Variants in TEX26 observed in about 807,000 individuals in gnomAD.
The protein encoded by TEX26 is testis-expressed protein 26.
A neutral mutation model predicts 35.3 loss-of-function variants in TEX26; 34 were observed. That is an observed-to-expected ratio of 0.96 (90% confidence interval 0.73 to 1.28). The LOEUF (loss-of-function observed/expected upper bound fraction) is 1.28, where lower values mean the gene tolerates loss of function less well. Ranked by LOEUF, TEX26 falls within the 50% of genes most tolerant of loss-of-function variation. TEX26 has a pLI of 0.00. For missense variants in TEX26, 371 were observed against 330.1 expected, an observed-to-expected ratio of 1.12 and a Z score of -0.96; for synonymous variants, 136 against 111.8, an observed-to-expected ratio of 1.22 and a Z score of -1.36.
chr13:30,948,482 G>C (rs1953799711), intron 2 of TEX26, among the ~76,000 whole-genome samples: 1 of 152,126 alleles, frequency 6.6e-6, no homozygotes, highest in African/African-American at 2.4e-5. Context: ...GCATTTCTCT[G>C]ATGGCCAGTG....
intron 2 of TEX26, among the ~76,000 whole-genome samples, chr13:30,941,082 G>A (rs373215578): frequency 5.4e-4 from 82 of 152,254 alleles, no homozygotes; most frequent in African/African-American, 1.8e-3. Flanking sequence ...GCTACCTTGC[G>A]CAAGTAACAA....
Position 30,966,313 on chromosome 13 carries a change from A to C in TEX26, c.561A>C (p.Gln187His), listed in dbSNP as rs201732384. Residue 187 changes from glutamine to histidine, a missense_variant, in exon 5 of 7, where the codon CAA (glutamine) becomes CAC (histidine). Transcript: ENST00000380473. ...PPDTEFRRNY[Q>H]IPAKIPELQD... ...ACACTGAATTCCGAAGGAATTACCA[A>C]ATTCCAGCTAAAATTCCTGAGCTTC... 13 of 1,614,138 alleles carry C rather than the reference A, an allele frequency of 8.1e-6. No homozygotes were observed. In the Admixed American group the frequency reaches 2.0e-4, roughly 25 times the overall value.
At chr13:30,949,076 C>T (rs1041842521) in intron 2 of TEX26, among the ~76,000 whole-genome samples, 14 of 152,238 alleles carry the variant, frequency 9.2e-5, no homozygotes, top group Middle Eastern at 3.4e-3. Context: ...TTTCTGACGG[C>T]TCTGTTCTGT....
At chr13:30,939,985 G>A (rs1381098323) in intron 2 of TEX26, among the ~76,000 whole-genome samples, 3 of 152,090 alleles carry the variant, frequency 2.0e-5, no homozygotes, top group African/African-American at 2.4e-5. Context: ...TAGGGAAACC[G>A]AGAAAATGGC....
intron 3 of TEX26, among the ~76,000 whole-genome samples, chr13:30,954,473 C>G (rs1347066753): frequency 6.6e-6 from 1 of 150,466 alleles, no homozygotes; most frequent in Admixed American, 6.6e-5. Flanking sequence ...AGATATATTA[C>G]AGACAAGATC....
intron 2 of TEX26, among the ~76,000 whole-genome samples, chr13:30,941,132 C>A (rs1953490838): frequency 6.6e-6 from 1 of 152,150 alleles, no homozygotes; most frequent in African/African-American, 2.4e-5. Context: ...GAAATGGGGA[C>A]AATGATACCT....
At chr13:30,946,569 CTATT>C (rs1203390996) in intron 2 of TEX26, among the ~76,000 whole-genome samples, 1 of 151,868 alleles carries the variant, frequency 6.6e-6, no homozygotes, top group African/African-American at 2.4e-5. Flanking sequence ...TTAGGGTAGA[CTATT>C]TATTCTAATT....
intron 2 of TEX26, among the ~76,000 whole-genome samples, chr13:30,940,669 A>G (rs1953462142): frequency 1.3e-5 from 2 of 152,128 alleles, no homozygotes; most frequent in African/African-American, 4.8e-5. Flanking sequence ...GGTAGGTATG[A>G]AATCAGCATA....
intron 2 of TEX26, among the ~76,000 whole-genome samples, chr13:30,949,710 A>C (rs1239622071): frequency 2.6e-5 from 4 of 152,012 alleles, no homozygotes; most frequent in Non-Finnish European, 5.9e-5. Flanking sequence ...TGTGAAGTGA[A>C]GAGTATAATA....
intron 3 of TEX26, among the ~76,000 whole-genome samples, chr13:30,956,386 G>A (rs964371435): frequency 8.5e-5 from 13 of 152,056 alleles, no homozygotes; most frequent in African/African-American, 2.7e-4. Context: ...TGGTGTATAT[G>A]TGCCACATTT....
intron 4 of TEX26, among the ~76,000 whole-genome samples, chr13:30,957,770 T>C (rs1462835466): frequency 2.0e-5 from 3 of 152,166 alleles, no homozygotes; most frequent in Non-Finnish European, 4.4e-5. Flanking sequence ...TTGGCTCACA[T>C]TGTCTCACCA....
chr13:30,950,865 G>A (rs986495193), intron 2 of TEX26, among the ~76,000 whole-genome samples: 4 of 152,282 alleles, frequency 2.6e-5, no homozygotes, highest in East Asian at 1.9e-4. Flanking sequence ...CTTATTCCTC[G>A]AGACAATGCA....
intron 6 of TEX26, 39 bp downstream of exon 6, chr13:30,969,085 A>T: frequency 6.5e-7 from 1 of 1,544,524 alleles, no homozygotes; most frequent in Non-Finnish European, 8.8e-7. Context: ...ACAGATCACA[A>T]TACATTGCTT....
At chr13:30,943,858 A>G (rs1171778938) in intron 2 of TEX26, among the ~76,000 whole-genome samples, 1 of 151,776 alleles carries the variant, frequency 6.6e-6, no homozygotes. Flanking sequence ...TATTGAATTC[A>G]GTTAGTATTT....
chr13:30,951,007 A>C (rs1472374941), intron 2 of TEX26, among the ~76,000 whole-genome samples: 1 of 152,164 alleles, frequency 6.6e-6, no homozygotes, highest in Non-Finnish European at 1.5e-5. Context: ...TGAGAAATTG[A>C]GATCTGAAAA....
chr13:30,974,131 A>AAAAAAAATATATATAT, intron 6 of TEX26, among the ~76,000 whole-genome samples: 3 of 84,424 alleles, frequency 3.6e-5, no homozygotes, highest in African/African-American at 1.4e-4. Flanking sequence ...AAAAAAAAAA[A>AAAAAAAATATATATAT]ATATATATAT....
chr13:30,938,405 GA>G (rs1229320149), intron 1 of TEX26, among the ~76,000 whole-genome samples: 1 of 152,128 alleles, frequency 6.6e-6, no homozygotes, highest in East Asian at 1.9e-4. Context: ...CTAGAGGATG[GA>G]AAGTCCAAGA....
At chr13:30,965,917 C>T (rs557848187) in intron 4 of TEX26, among the ~76,000 whole-genome samples, 315 of 152,236 alleles carry the variant, frequency 2.1e-3, no homozygotes, top group Non-Finnish European at 3.9e-3. Flanking sequence ...TTTTATATGG[C>T]GACCCTGGCC....
intron 2 of TEX26, among the ~76,000 whole-genome samples, chr13:30,942,680 T>A (rs913923574): frequency 6.6e-6 from 1 of 151,926 alleles, no homozygotes; most frequent in East Asian, 1.9e-4. Context: ...TGTCTTGAGT[T>A]GATTTTTATA....
Sources: gnomAD v4.1 joint callset for allele counts (sites outside exome capture counted in the v4.1 genomes callset) on GRCh38, gnomAD v4.1.1 for gene constraint, MANE v1.5 for transcripts, NCBI Gene and HGNC (gene_info 2026-07-23, HGNC 2026-07-21) for gene names.